PTPRQ: variants seen among roughly 807,000 people sequenced by gnomAD.
PTPRQ encodes the protein phosphatidylinositol phosphatase PTPRQ.
A neutral mutation model predicts 246.0 loss-of-function variants in PTPRQ; 199 were observed. The observed-to-expected ratio is 0.81, with a 90% CI of 0.72 to 0.91. The LOEUF is 0.91. Ranked by LOEUF, PTPRQ falls within the 40% of genes least tolerant of loss-of-function variation. PTPRQ has a pLI of 0.00. For missense variants in PTPRQ, 2,624 were observed against 2,528.4 expected, an observed-to-expected ratio of 1.04 and a Z score of -0.81; for synonymous variants, 869 against 853.2, an observed-to-expected ratio of 1.02 and a Z score of -0.32.
chr12:80,600,534 C>A (rs1898108083), intron 26 of PTPRQ, among the ~76,000 whole-genome samples: 1 of 151,706 alleles, frequency 6.6e-6, no homozygotes, highest in Admixed American at 6.6e-5. Context: ...AATCTCACAA[C>A]TTTCTTAGCC....
rs1354983810 is a variant in PTPRQ, at chr12:80,649,673, T to C, written c.6024+4T>C. 2 of 1,547,552 alleles carry C rather than the reference T, an allele frequency of 1.3e-6. No homozygotes were observed. The highest frequency in any genetic ancestry group is 4.9e-5 in the East Asian group (2 of 40,814). On this transcript the variant is annotated splice_donor_region_variant and intron_variant, in intron 37 of 44. Transcript: ENST00000644991. ...AAAGTTTCAAGAAGAATTTTCGGTA[T>C]GTTACTAGCAGTTGTCACAACATTG...
At chr12:80,547,176 G>T (rs777383307) in intron 24 of PTPRQ, 1 of 154,194 alleles carries the variant, frequency 6.5e-6, no homozygotes, top group African/African-American at 2.4e-5. Context: ...ACCATGTGGC[G>T]GACACTGAAA....
Position 80,484,483 on chromosome 12 carries a change from G to C in PTPRQ, c.1237G>C (p.Val413Leu). ...LQLAEVESTQ[V>L]RITWKKPRQP... is the part of the protein sequence containing the mutation. ...ACTTGCAGAGGTAGAATCCACGCAA[G>C]TAAGAATTACTTGGAAGAAACCACG... Residue 413 changes from valine to leucine, a missense_variant, in exon 9 of 45, where the codon GTA (valine) becomes CTA (leucine). Val to Leu is a conservative substitution (Grantham distance 32, BLOSUM62 1). Transcript: ENST00000644991. The C allele has an allele frequency of 6.4e-7, 1 of 1,551,054 alleles. No homozygotes were observed. The highest frequency in any genetic ancestry group is 1.7e-4 in the Middle Eastern group (1 of 5,986).
chr12:80,633,329 T>C (rs1260840407), intron 34 of PTPRQ, among the ~76,000 whole-genome samples: 1 of 152,258 alleles, frequency 6.6e-6, no homozygotes, highest in Admixed American at 6.5e-5. Context: ...TCCAGCTTCC[T>C]TATATGGTAG....
At chr12:80,458,986 A>G (rs1406989445) in intron 4 of PTPRQ, among the ~76,000 whole-genome samples, 1 of 152,268 alleles carries the variant, frequency 6.6e-6, no homozygotes, top group East Asian at 1.9e-4. Context: ...TAAGGAAATA[A>G]GAAATTTATC....
chr12:80,508,137 G>T (rs1025397393), intron 16 of PTPRQ, among the ~76,000 whole-genome samples: 3 of 151,936 alleles, frequency 2.0e-5, no homozygotes, highest in Non-Finnish European at 4.4e-5. Flanking sequence ...TCAAGGTAAA[G>T]TTCCATCTAA....
Position 80,601,871 on chromosome 12 carries a change from C to T in PTPRQ, c.4610-3188C>T, listed in dbSNP as rs761629432. On this transcript the variant is annotated intron_variant, in intron 26 of 44. Transcript: ENST00000644991. ...AAATGAATTAGGCTACAATTTGAGG[C>T]AGTTTTCCTAGGACCATAAAGCTAG... 5.9e-5 allele frequency among the ~76,000 whole-genome samples: 9 copies of T among 151,792 alleles called. No individual in the cohort carries two copies. In the South Asian group the frequency reaches 1.2e-3, roughly 21 times the overall value.
At position 80,549,647 on chromosome 12, in the gene PTPRQ, A is replaced by C. The variant is rs2093419847; in HGVS notation, c.4198A>C (p.Thr1400Pro). 1 of 1,551,176 alleles carries C rather than the reference A, an allele frequency of 6.4e-7. No individual in the cohort carries two copies. The highest frequency in any genetic ancestry group is 2.0e-5 in the Admixed American group (1 of 50,980). ...MYTFIKLLAN[T>P]SYVFKVRAST... ...CACTTTCATAAAGCTTCTTGCCAAT[A>C]CCTCATATGTCTTTAAAGTAAGAGC... The change falls in exon 25 of 45, where the codon ACC becomes CCC. Residue 1400 changes from threonine to proline, a missense_variant. Thr to Pro is a conservative substitution (Grantham distance 38). Coordinates refer to ENST00000644991, the MANE Select transcript of PTPRQ (RefSeq NM_001145026.2).
intron 17 of PTPRQ, among the ~76,000 whole-genome samples, chr12:80,530,035 T>C (rs1382419135): frequency 6.6e-6 from 1 of 152,142 alleles, no homozygotes; most frequent in Non-Finnish European, 1.5e-5. Context: ...GTACACAGTT[T>C]ATGACTTTGG....
chr12:80,454,500 C>T (rs960570968), intron 3 of PTPRQ: 1 of 702,348 alleles, frequency 1.4e-6, no homozygotes, highest in South Asian at 1.5e-5. Context: ...CCTTCCAGTA[C>T]TGTGTTCAAT....
intron 25 of PTPRQ, among the ~76,000 whole-genome samples, chr12:80,564,758 T>A (rs979251814): frequency 6.6e-6 from 1 of 152,200 alleles, no homozygotes; most frequent in African/African-American, 2.4e-5. Context: ...GCAAAACTAT[T>A]ACTAGTCCAG....
chr12:80,543,768 A>C (rs956431654), intron 23 of PTPRQ, among the ~76,000 whole-genome samples: 3 of 152,212 alleles, frequency 2.0e-5, no homozygotes, highest in Admixed American at 1.3e-4. Flanking sequence ...CCAAGATATT[A>C]CTTTAAAACT....
At chr12:80,567,211 A>T (rs1443596928) in intron 25 of PTPRQ, among the ~76,000 whole-genome samples, 1 of 152,232 alleles carries the variant, frequency 6.6e-6, no homozygotes, top group Non-Finnish European at 1.5e-5. Flanking sequence ...TTGTTTTTCT[A>T]TTAAAAATCT....
intron 8 of PTPRQ, among the ~76,000 whole-genome samples, chr12:80,475,962 C>T (rs908199837): frequency 7.2e-5 from 11 of 151,798 alleles, no homozygotes; most frequent in East Asian, 5.8e-4. Flanking sequence ...TAGTGTGTTG[C>T]GTTGACTTGA....
intron 8 of PTPRQ, among the ~76,000 whole-genome samples, chr12:80,474,649 C>G (rs1453240717): frequency 6.6e-6 from 1 of 152,082 alleles, no homozygotes; most frequent in East Asian, 1.9e-4. Context: ...ATAATAATCT[C>G]CAAAGCTATA....
In PTPRQ at chr12:80,635,035, A is replaced by G. The variant is rs746246040; in HGVS notation, c.5877A>G (p.Thr1959=). ...AATTGAAGCTGGATCAGCTCATCAC[A>G]GTGGCAGACCTGGAACTGAAGGACG... ...DTKLKLDQLI[T]VADLELKDER... Residue 1959 remains threonine (T), a synonymous_variant, in exon 35 of 45, where the codon ACA becomes ACG. Coordinates refer to ENST00000644991, the MANE Select transcript of PTPRQ (RefSeq NM_001145026.2). The G allele has an allele frequency of 2.6e-6, 4 of 1,551,308 alleles. No homozygotes were observed. Among genetic ancestry groups the G allele is most frequent in the Non-Finnish European group, 3.5e-6 (4 of 1,146,778 alleles).
At chr12:80,539,178 CAA>C (rs1896075864) in intron 19 of PTPRQ, among the ~76,000 whole-genome samples, 2 of 151,902 alleles carry the variant, frequency 1.3e-5, no homozygotes, top group South Asian at 4.1e-4. Context: ...AGGAGTCAGT[CAA>C]GAGAATTTAA....
intron 24 of PTPRQ, among the ~76,000 whole-genome samples, chr12:80,547,608 T>G (rs577512233): frequency 6.1e-4 from 93 of 152,280 alleles, no homozygotes; most frequent in Non-Finnish European, 7.6e-4. Flanking sequence ...TAAAAGTACA[T>G]GCTGTGAAGT....
Position 80,444,837 on chromosome 12 carries a change from A to T in PTPRQ, c.151A>T (p.Thr51Ser), listed in dbSNP as rs1475431260. ...YTSPVTRIVTTNVTKPGPPVF... is the reference protein window; with the variant it reads ...YTSPVTRIVTSNVTKPGPPVF... ...CTCACCTGTTACTAGAATAGTGACA[A>T]CAAATGTAACAAGTGAGTATATGTT... The change falls in exon 2 of 45, where the codon ACA becomes TCA. Residue 51 changes from threonine (T) to serine (S), a missense_variant. Coordinates refer to ENST00000644991, the MANE Select transcript of PTPRQ (RefSeq NM_001145026.2). 4.6e-6 allele frequency: 7 copies of T among 1,520,594 alleles called. No homozygotes were observed. Among genetic ancestry groups the T allele is most frequent in the Non-Finnish European group, 5.3e-6 (6 of 1,125,792 alleles). The allele number at this position is 1,520,594 out of a possible 1,614,324, so 94.2% of individuals were successfully genotyped here.
Sources: gnomAD v4.1 joint callset for allele counts (sites outside exome capture counted in the v4.1 genomes callset) on GRCh38, gnomAD v4.1.1 for gene constraint, MANE v1.5 for transcripts, NCBI Gene and HGNC (gene_info 2026-07-23, HGNC 2026-07-21) for gene names.